The following PPP4R2 variants were observed in gnomAD, a reference collection of about 807,000 sequenced individuals.
PPP4R2 encodes the protein serine/threonine-protein phosphatase 4 regulatory subunit 2.
In PPP4R2, 13 loss-of-function variants were observed where a neutral mutation model predicts 47.2. The observed-to-expected ratio is 0.28, with a 90% confidence interval of 0.18 to 0.44. The LOEUF is 0.44. Among genes scored for constraint, PPP4R2 ranks in the 20% least tolerant of loss-of-function variants. The pLI is 1.00. For synonymous variants in PPP4R2, 151 were observed against 163.3 expected (o/e 0.92, Z 0.57); for missense variants, 421 against 491.2 (o/e 0.86, Z 1.35).
intron 5 of PPP4R2, chr3:73,062,738 T>A (rs1702894425): frequency 6.2e-7 from 1 of 1,613,900 alleles, no homozygotes; most frequent in Admixed American, 1.7e-5. Context: ...TGGCATCTAT[T>A]GGAAGACTTT....
At chr3:73,056,176 A>G (rs573779502) in intron 3 of PPP4R2, among the ~76,000 whole-genome samples, 4 of 152,178 alleles carry the variant, frequency 2.6e-5, no homozygotes, top group Admixed American at 6.5e-5. Context: ...TTCATTTTGT[A>G]CTGGTTTTTC....
intron 2 of PPP4R2, among the ~76,000 whole-genome samples, chr3:72,999,556 C>T (rs1701418295): frequency 6.6e-6 from 1 of 152,308 alleles, no homozygotes; most frequent in Non-Finnish European, 1.5e-5. Flanking sequence ...AAACGTCTTA[C>T]TCAGTTTATC....
chr3:73,024,693 T>C lies in PPP4R2; in HGVS notation c.117-22493T>C, dbSNP rs534409618. Reference sequence around the variant, plus strand: ...CTTTCCTTTCCTTTCCCTTTGTTTTTTTCTTCACAGCTCAGATTTCTGCTT... The same window carrying C: ...CTTTCCTTTCCTTTCCCTTTGTTTTCTTCTTCACAGCTCAGATTTCTGCTT... On this transcript the variant is annotated intron_variant, in intron 2 of 8. Transcript: ENST00000356692. Among the ~76,000 whole-genome samples the C allele has an allele frequency of 2.6e-5, 4 of 152,330 alleles. No homozygotes were observed. In the South Asian group the frequency reaches 8.3e-4, roughly 32 times the overall value.
chr3:73,062,148 A>G (rs780237755), intron 5 of PPP4R2: 1 of 1,547,872 alleles, frequency 6.5e-7, no homozygotes, highest in Admixed American at 2.1e-5. Context: ...GGTCTGTGAC[A>G]GATCTTACAA....
At position 73,065,720 on chromosome 3, in the gene PPP4R2, T is replaced by G. The variant is rs1202110193; in HGVS notation, c.1252T>G (p.Ter418GluextTer6). The G allele has an allele frequency of 1.3e-6, 2 of 1,585,888 alleles. No individual in the cohort carries two copies. Among genetic ancestry groups the G allele is most frequent in the African/African-American group, 2.7e-5 (2 of 73,812 alleles). Residue 418 changes from the stop codon to glutamate (E), a stop_lost, in exon 9 of 9, where the codon TAA becomes GAA. Transcript: ENST00000356692. ...EVTDEPMEQD[*>E] ...CACCGATGAACCAATGGAACAAGACTAACTATTTAGAAACATTTAGATGCA... is the reference window on the plus strand; with the variant it reads ...CACCGATGAACCAATGGAACAAGACGAACTATTTAGAAACATTTAGATGCA...
chr3:73,002,886 T>C (rs1264428232), intron 2 of PPP4R2, among the ~76,000 whole-genome samples: 4 of 151,736 alleles, frequency 2.6e-5, no homozygotes. Flanking sequence ...TCGTGATCCA[T>C]CCACCTTGGC....
intron 5 of PPP4R2, 106 bp downstream of exon 5, chr3:73,061,166 TTAAG>T (rs1221410125): frequency 1.2e-5 from 6 of 493,142 alleles, no homozygotes; most frequent in Non-Finnish European, 2.0e-5. Flanking sequence ...TAATATGTAA[TTAAG>T]TGTGATAACA....
At chr3:73,022,209 T>G (rs933429023) in intron 2 of PPP4R2, among the ~76,000 whole-genome samples, 4 of 152,166 alleles carry the variant, frequency 2.6e-5, no homozygotes, top group African/African-American at 9.7e-5. Context: ...TTTCTTTTAA[T>G]ATTTTGCTTA....
intron 3 of PPP4R2, among the ~76,000 whole-genome samples, chr3:73,053,560 G>A (rs188456904): frequency 3.3e-5 from 5 of 152,126 alleles, no homozygotes; most frequent in African/African-American, 9.7e-5. Flanking sequence ...TTTGGGTCAA[G>A]GAGTGGTGCA....
In PPP4R2 at chr3:73,057,449, A is replaced by G. The variant is rs535143959; in HGVS notation, c.288-1588A>G. ...TATTCTTCCTCAGAAACCCAGAGGA[A>G]TTTCTAGTTGCTTCTGAATGTTTGG... On this transcript the variant is annotated intron_variant, in intron 3 of 8. Coordinates refer to ENST00000356692, the MANE Select transcript of PPP4R2 (RefSeq NM_174907.4). 4.9e-3 allele frequency among the ~76,000 whole-genome samples: 745 copies of G among 152,226 alleles called. 7 individuals are homozygous for G. Among genetic ancestry groups the G allele is most frequent in the African/African-American group, 0.017 (698 of 41,564 alleles).
At chr3:73,001,082 A>T (rs1701448299) in intron 2 of PPP4R2, among the ~76,000 whole-genome samples, 1 of 152,046 alleles carries the variant, frequency 6.6e-6, no homozygotes, top group African/African-American at 2.4e-5. Context: ...CCTGCCCCAG[A>T]TGTGAATCAG....
intron 2 of PPP4R2, among the ~76,000 whole-genome samples, chr3:73,034,924 C>G (rs142344473): frequency 2.0e-5 from 3 of 151,170 alleles, no homozygotes; most frequent in Admixed American, 6.6e-5. Context: ...GCACAGGGAA[C>G]GAAAGCAAAA....
intron 2 of PPP4R2, among the ~76,000 whole-genome samples, chr3:73,009,368 A>G (rs1423630323): frequency 3.3e-5 from 5 of 152,204 alleles, no homozygotes; most frequent in Non-Finnish European, 7.3e-5. Flanking sequence ...AAAGTTGAGA[A>G]GCAGTTGTCT....
At chr3:73,032,485 T>C (rs1197621891) in intron 2 of PPP4R2, among the ~76,000 whole-genome samples, 2 of 152,076 alleles carry the variant, frequency 1.3e-5, no homozygotes, top group Admixed American at 6.6e-5. Flanking sequence ...GGCGGGGTTT[T>C]ACCATGTTGG....
At chr3:73,020,626 C>T (rs1196449213) in intron 2 of PPP4R2, among the ~76,000 whole-genome samples, 3 of 147,628 alleles carry the variant, frequency 2.0e-5, no homozygotes, top group Non-Finnish European at 4.4e-5. Flanking sequence ...GCCAAGATGG[C>T]ACCACTGCAC....
intron 2 of PPP4R2, chr3:73,015,047 T>A: frequency 1.8e-6 from 1 of 545,958 alleles, no homozygotes; most frequent in Admixed American, 3.0e-5. Flanking sequence ...TGTTTATTAA[T>A]AAACATGCCA....
chr3:73,048,201 G>A (rs1395780923), intron 3 of PPP4R2, among the ~76,000 whole-genome samples: 2 of 151,804 alleles, frequency 1.3e-5, no homozygotes, highest in Non-Finnish European at 2.9e-5. Flanking sequence ...AAATGTTACT[G>A]TGTCTCATAC....
intron 3 of PPP4R2, among the ~76,000 whole-genome samples, chr3:73,049,135 C>T (rs1183749663): frequency 6.6e-6 from 1 of 151,890 alleles, no homozygotes; most frequent in East Asian, 1.9e-4. Flanking sequence ...AAGAAATAGC[C>T]ACATGATACA....
chr3:73,039,405 G>T (rs1702331755), intron 2 of PPP4R2, among the ~76,000 whole-genome samples: 1 of 152,194 alleles, frequency 6.6e-6, no homozygotes, highest in Non-Finnish European at 1.5e-5. Flanking sequence ...TTACAGGTGT[G>T]AGCCACCATG....
Sources: allele counts gnomAD v4.1 joint callset (sites outside exome capture counted in the v4.1 genomes callset), GRCh38; gene constraint gnomAD v4.1.1; transcripts MANE v1.5; gene names NCBI Gene and HGNC (gene_info 2026-07-23, HGNC 2026-07-21).